DPRX: variants seen among roughly 807,000 people sequenced by gnomAD.
The protein encoded by DPRX is divergent-paired related homeobox, also known as divergent paired-related homeobox.
DPRX carries 11 observed loss-of-function variants against 8.4 expected under a neutral mutation model. The observed-to-expected ratio is 1.31, with a 90% CI of 0.82 to 2.17. DPRX has a LOEUF of 2.17. Among genes scored for constraint, DPRX ranks in the 30% most tolerant of loss-of-function variants. DPRX has a pLI of 0.00. For missense variants in DPRX, 211 were observed against 236.7 expected (o/e 0.89, Z 0.71); for synonymous variants, 72 against 87.0 (o/e 0.83, Z 0.96).
At chr19:53,608,030 G>A in the DPRX span, among the ~76,000 whole-genome samples, 4 of 148,716 alleles carry the variant, frequency 2.7e-5, no homozygotes, top group South Asian at 2.1e-4. Context: ...AAAATTAGCC[G>A]AGCATGGTGG....
chr19:53,632,591 G>A (rs1600570728), intron 1 of DPRX, among the ~76,000 whole-genome samples: 1 of 152,152 alleles, frequency 6.6e-6, no homozygotes, highest in East Asian at 1.9e-4. Context: ...TGACAGGCGT[G>A]AGCCACTGCA....
chr19:53,624,033 T>C, the DPRX span, among the ~76,000 whole-genome samples: 1 of 150,746 alleles, frequency 6.6e-6, no homozygotes, highest in African/African-American at 2.4e-5. Context: ...GTAATAAATA[T>C]GCGATGTAAA....
the DPRX span, chr19:53,616,659 C>T: frequency 2.1e-4 from 133 of 638,624 alleles, no homozygotes; most frequent in South Asian, 4.2e-4. Context: ...GAAACTGAGG[C>T]GGGAGAATCC....
chr19:53,611,819 C>A, the DPRX span, among the ~76,000 whole-genome samples: 1 of 152,062 alleles, frequency 6.6e-6, no homozygotes, highest in Non-Finnish European at 1.5e-5. Flanking sequence ...CGCAGTGGCT[C>A]ACGCCTGGAA....
chr19:53,610,785 T>C, the DPRX span, among the ~76,000 whole-genome samples: 5 of 152,336 alleles, frequency 3.3e-5, no homozygotes, highest in South Asian at 2.1e-4. Flanking sequence ...GTGTATTTTA[T>C]GTGTACCCGG....
the DPRX span, among the ~76,000 whole-genome samples, chr19:53,621,408 C>T: frequency 9.3e-4 from 142 of 152,264 alleles, 1 homozygote; most frequent in East Asian, 0.023. Context: ...GCTGGGATTA[C>T]AGGCATAAGC....
At chr19:53,624,634 T>C in the DPRX span, among the ~76,000 whole-genome samples, 3 of 151,740 alleles carry the variant, frequency 2.0e-5, no homozygotes, top group South Asian at 4.2e-4. Context: ...AGGCTGGTCT[T>C]GAACTCCTGG....
the DPRX span, among the ~76,000 whole-genome samples, chr19:53,603,174 C>A: frequency 6.6e-6 from 1 of 151,534 alleles, no homozygotes; most frequent in African/African-American, 2.4e-5. Flanking sequence ...GCCTCAGCCT[C>A]CCAAAGTGCT....
At chr19:53,634,793 C>G in intron 2 of DPRX, 108 bp downstream of exon 2, 1 of 1,412,916 alleles carries the variant, frequency 7.1e-7, no homozygotes. Flanking sequence ...CAATATTCCC[C>G]AAACCCACAC....
At chr19:53,629,297 C>T (rs2091082411), upstream of DPRX, among the ~76,000 whole-genome samples, 1 of 115,420 alleles carries the variant, frequency 8.7e-6, no homozygotes, top group Middle Eastern at 6.5e-3. Context: ...GCCTGGGCAA[C>T]AGAGCAAGAC....
chr19:53,629,347 C>T (rs1436185198), upstream of DPRX, among the ~76,000 whole-genome samples: 1 of 150,614 alleles, frequency 6.6e-6, no homozygotes, highest in Non-Finnish European at 1.5e-5. Flanking sequence ...GAATGAGATA[C>T]CGACACATTA....
chr19:53,623,523 A>G, the DPRX span, among the ~76,000 whole-genome samples: 3 of 151,884 alleles, frequency 2.0e-5, no homozygotes. Context: ...CTATAATCCC[A>G]GCTACTTGGG....
At chr19:53,621,921 A>G in the DPRX span, among the ~76,000 whole-genome samples, 1 of 152,150 alleles carries the variant, frequency 6.6e-6, no homozygotes, top group African/African-American at 2.4e-5. Context: ...CCTCATTGTT[A>G]TGTGGGCCCC....
At chr19:53,612,281 G>A in the DPRX span, among the ~76,000 whole-genome samples, 3 of 152,308 alleles carry the variant, frequency 2.0e-5, no homozygotes, top group Admixed American at 6.5e-5. Context: ...TAGTTAGGAG[G>A]CTGAGACAGG....
the DPRX span, chr19:53,616,687 G>C: frequency 1.2e-6 from 1 of 830,818 alleles, no homozygotes; most frequent in South Asian, 1.9e-5. Context: ...CTCATAGGCA[G>C]AGGTTGCAAT....
the DPRX span, among the ~76,000 whole-genome samples, chr19:53,619,402 C>T: frequency 3.9e-4 from 59 of 151,946 alleles, no homozygotes; most frequent in African/African-American, 1.4e-3. Context: ...AGGCCGGGTG[C>T]GGTGGCTCAC....
At chr19:53,634,111 C>T (rs1029360478) in intron 1 of DPRX, among the ~76,000 whole-genome samples, 4 of 152,138 alleles carry the variant, frequency 2.6e-5, no homozygotes, top group East Asian at 1.9e-4. Context: ...GGCACGACCC[C>T]GGCCAGCAGT....
the DPRX span, among the ~76,000 whole-genome samples, chr19:53,605,898 G>A: frequency 6.6e-6 from 1 of 151,100 alleles, no homozygotes; most frequent in Admixed American, 6.6e-5. Flanking sequence ...TGAACTCCTG[G>A]GATCAAGCAA....
chr19:53,609,754 G>A, the DPRX span, among the ~76,000 whole-genome samples: 1 of 150,352 alleles, frequency 6.7e-6, no homozygotes, highest in African/African-American at 2.5e-5. Flanking sequence ...GGAGGCCAAG[G>A]CGGGCAGGTC....
Sources: allele counts gnomAD v4.1 joint callset (sites outside exome capture counted in the v4.1 genomes callset), GRCh38; gene constraint gnomAD v4.1.1; transcripts MANE v1.5; gene names NCBI Gene and HGNC (gene_info 2026-07-23, HGNC 2026-07-21).